The following COPA variants were observed in gnomAD, a reference collection of about 807,000 sequenced individuals.
The protein encoded by COPA is coatomer subunit alpha.
Under a neutral mutation model 158.7 loss-of-function variants are expected in COPA, and 10 were observed. That is an observed-to-expected ratio of 0.06 (90% CI 0.04 to 0.11). The LOEUF is 0.11. Among genes scored for constraint, COPA ranks in the 10% least tolerant of loss-of-function variants. The pLI is 1.00. For synonymous variants in COPA, 462 were observed against 542.8 expected, an observed-to-expected ratio of 0.85 and a Z score of 2.07; for missense variants, 1,065 against 1,536.7, an observed-to-expected ratio of 0.69 and a Z score of 5.13.
chr1:160,292,258 C>A (rs1345245498), intron 28 of COPA, 60 bp from the exon 29 acceptor site: 31 of 1,575,154 alleles, frequency 2.0e-5, no homozygotes, highest in Admixed American at 3.7e-5. Context: ...GACCCAATTT[C>A]CTTTTCTGGC....
chr1:160,339,822 A>C (rs1375124712), intron 3 of COPA, 87 bp downstream of exon 3: 6 of 1,266,428 alleles, frequency 4.7e-6, no homozygotes, highest in Non-Finnish European at 6.9e-6. Flanking sequence ...TATGAATGAA[A>C]TTTCCTGTCT....
intron 8 of COPA, among the ~76,000 whole-genome samples, chr1:160,318,216 T>C (rs16865246): frequency 0.015 from 2,216 of 152,134 alleles, 46 homozygotes; most frequent in African/African-American, 0.051. Flanking sequence ...TCAAGATAAC[T>C]GATAAGGAGA....
intron 8 of COPA, among the ~76,000 whole-genome samples, chr1:160,318,485 A>C (rs1571169804): frequency 1.5e-5 from 1 of 68,934 alleles, no homozygotes; most frequent in Non-Finnish European, 2.5e-5. Flanking sequence ...AAAAAAAAAA[A>C]AAAAAACAAA....
Position 160,288,595 on chromosome 1 carries a change from GA to G in COPA, c.*1561del, listed in dbSNP as rs1396191009. Among the ~76,000 whole-genome samples the G allele has an allele frequency of 1.3e-5, 2 of 152,004 alleles. No individual in the cohort carries two copies. Among genetic ancestry groups the G allele is most frequent in the African/African-American group, 4.8e-5 (2 of 41,378 alleles). The stretch of plus-strand genomic sequence containing the variant: ...CACAGAATAGCTTTTTATATTTACT[GA>G]TTTTTCAACTATATGCATTTATTAT... On this transcript the variant is annotated 3_prime_UTR_variant, in exon 33 of 33. Coordinates refer to ENST00000241704, the MANE Select transcript of COPA (RefSeq NM_004371.4).
chr1:160,317,064 A>C (rs1056086814), intron 8 of COPA, among the ~76,000 whole-genome samples: 1 of 152,094 alleles, frequency 6.6e-6, no homozygotes, highest in African/African-American at 2.4e-5. Flanking sequence ...ATACAGGCCA[A>C]GAGAGAGAGG....
At position 160,296,066 on chromosome 1, in the gene COPA, C is replaced by T. The variant is rs1658401445; in HGVS notation, c.2347G>A (p.Glu783Lys). The change falls in exon 22 of 33, where the codon GAG becomes AAG. Residue 783 changes from glutamate to lysine, a missense_variant. Around this residue, in one of 2 missense-constraint regions of COPA, gnomAD observed 980 missense variants for 1,357.8 expected, o/e 0.72. Transcript: ENST00000241704. The stretch of plus-strand genomic sequence containing the variant: ...TTATGTAAATAAAGACTCACTGTCT[C>T]CTTCTCTGGGTCAAATGTCTCCTTT... ...SLKETFDPEKETIPDIDPNAK... is the reference protein window; with the variant it reads ...SLKETFDPEKKTIPDIDPNAK... The T allele has an allele frequency of 6.2e-7, 1 of 1,613,780 alleles. No individual in the cohort carries two copies. The highest frequency in any genetic ancestry group is 1.1e-5 in the South Asian group (1 of 91,064).
intron 17 of COPA, among the ~76,000 whole-genome samples, chr1:160,304,313 C>T (rs562327723): frequency 3.3e-5 from 5 of 151,782 alleles, no homozygotes; most frequent in South Asian, 4.2e-4. Context: ...CACGCCCAAC[C>T]CAAAAGGAAA....
chr1:160,340,293 C>A lies in COPA; in HGVS notation c.42G>T (p.Gly14=), dbSNP rs1389200292. The A allele has an allele frequency of 2.5e-6, 4 of 1,607,778 alleles. No homozygotes were observed. Among genetic ancestry groups the A allele is most frequent in the South Asian group, 1.1e-5 (1 of 90,788 alleles). ...KFETKSARVK[G]LSFHPKRPWI... ...AAGGTCTTTTGGGGTGAAAGCTGAG[C>A]CCTGAAAAAAATAGAAAATGATACA... is the stretch of plus-strand genomic sequence containing the variant. Residue 14 remains glycine (G), a splice_region_variant and synonymous_variant, in exon 2 of 33, where the codon GGG becomes GGT. Coordinates refer to ENST00000241704, the MANE Select transcript of COPA (RefSeq NM_004371.4).
Position 160,292,001 on chromosome 1 carries a change from G to C in COPA, c.3147+11C>G, listed in dbSNP as rs1394786350. On this transcript the variant is annotated intron_variant, in intron 29 of 32. Transcript: ENST00000241704. ...GTGCCCAGAACTGGGACAGCGGCTA[G>C]ACCCTCCTACCTCTGCAATCTCTTG... is the stretch of plus-strand genomic sequence containing the variant. The C allele has an allele frequency of 1.5e-5, 25 of 1,614,022 alleles. No individual in the cohort carries two copies. Among genetic ancestry groups the C allele is most frequent in the Non-Finnish European group, 1.9e-5 (23 of 1,180,006 alleles).
At chr1:160,290,394 C>T in intron 32 of COPA, 98 bp downstream of exon 32, 1 of 1,449,588 alleles carries the variant, frequency 6.9e-7, no homozygotes, top group East Asian at 2.3e-5. Context: ...CCTCAGGGAG[C>T]AGGGGACAAG....
intron 17 of COPA, among the ~76,000 whole-genome samples, chr1:160,300,102 G>A (rs1658547412): frequency 6.6e-6 from 1 of 152,066 alleles, no homozygotes; most frequent in Non-Finnish European, 1.5e-5. Context: ...CACTTTGGGA[G>A]GCCGAGGCGG....
At chr1:160,322,905 C>T (rs1659372338) in intron 8 of COPA, among the ~76,000 whole-genome samples, 1 of 152,020 alleles carries the variant, frequency 6.6e-6, no homozygotes, top group Non-Finnish European at 1.5e-5. Context: ...TTGTTTATTG[C>T]AGCACTATTT....
chr1:160,297,508 T>C, intron 20 of COPA, 48 bp downstream of exon 20: 3 of 1,612,498 alleles, frequency 1.9e-6, no homozygotes, highest in Non-Finnish European at 2.5e-6. Context: ...TTCACCTTCC[T>C]CCTTCCCCCA....
intron 5 of COPA, among the ~76,000 whole-genome samples, chr1:160,332,981 G>A (rs186014217): frequency 1.0e-3 from 158 of 152,288 alleles, no homozygotes; most frequent in African/African-American, 3.6e-3. Context: ...CTGGAGTGCA[G>A]TGGCGCAATC....
chr1:160,320,894 C>T (rs1325112852), intron 8 of COPA, among the ~76,000 whole-genome samples: 2 of 148,582 alleles, frequency 1.3e-5, no homozygotes, highest in Admixed American at 1.3e-4. Flanking sequence ...AAGGACACCA[C>T]AAAAAGAGAA....
Position 160,297,417 on chromosome 1 carries a change from C to T in COPA, c.2189G>A (p.Ser730Asn). 6.2e-7 allele frequency: 1 copy of T among 1,614,156 alleles called. No homozygotes were observed. Among genetic ancestry groups the T allele is most frequent in the Non-Finnish European group, 8.5e-7 (1 of 1,180,040 alleles). Residue 730 changes from serine (S) to asparagine (N), a missense_variant, in exon 21 of 33, where the codon AGT (serine) becomes AAT (asparagine). By Grantham distance (46) the Ser-to-Asn change is conservative (BLOSUM62 1). This residue lies in a region of COPA where 980 missense variants were observed against 1,357.8 expected (regional missense o/e 0.72). Transcript: ENST00000241704. Reference sequence around the variant, plus strand: ...GTATAGGGCATTCTGATAGTGGCCACTCATGTCCTTTCTGATCTCAGCTGC... The same window carrying T: ...GTATAGGGCATTCTGATAGTGGCCATTCATGTCCTTTCTGATCTCAGCTGC... ...MKIAEIRKDM[S>N]GHYQNALYLG...
chr1:160,335,824 C>T (rs1417660636), intron 3 of COPA, among the ~76,000 whole-genome samples: 15 of 136,612 alleles, frequency 1.1e-4, no homozygotes, highest in Admixed American at 7.5e-4. Flanking sequence ...CAAGAGGTTG[C>T]AGTGAGCCGA....
At chr1:160,321,298 A>G (rs1192777617) in intron 8 of COPA, among the ~76,000 whole-genome samples, 1 of 152,216 alleles carries the variant, frequency 6.6e-6, no homozygotes, top group East Asian at 1.9e-4. Flanking sequence ...AAGGATGCCC[A>G]CTTTTACCAC....
intron 6 of COPA, among the ~76,000 whole-genome samples, chr1:160,327,342 GC>G (rs1176599656): frequency 1.3e-5 from 2 of 151,942 alleles, no homozygotes; most frequent in African/African-American, 4.8e-5. Flanking sequence ...TTTGAGGTCT[GC>G]CTGGCTAACA....
Sources: allele counts gnomAD v4.1 joint callset (sites outside exome capture counted in the v4.1 genomes callset), GRCh38; gene constraint gnomAD v4.1.1; regional missense constraint gnomAD v4.1.1; transcripts MANE v1.5; gene names NCBI Gene and HGNC (gene_info 2026-07-23, HGNC 2026-07-21).